Variants in PLB1 observed in about 807,000 individuals in gnomAD.
The protein encoded by PLB1 is phospholipase B1, membrane-associated.
PLB1 carries 242 observed loss-of-function variants against 227.4 expected under a neutral mutation model. The ratio of observed to expected loss-of-function variants is 1.06; its 90% CI spans 0.96 to 1.18. PLB1 has a LOEUF of 1.18. PLB1 is among the 50% of genes most tolerant of loss of function. The pLI is 0.00. For missense variants in PLB1, 1,858 were observed against 1,816.3 expected (o/e 1.02, Z -0.42); for synonymous variants, 757 against 682.2 (o/e 1.11, Z -1.71).
intron 17 of PLB1, among the ~76,000 whole-genome samples, chr2:28,562,279 C>T (rs749746817): frequency 1.3e-5 from 2 of 152,074 alleles, no homozygotes; most frequent in African/African-American, 2.4e-5. Flanking sequence ...CGCGTTGGCT[C>T]TCGCCTGTAA....
At chr2:28,570,777 C>G (rs145340339) in intron 20 of PLB1, among the ~76,000 whole-genome samples, 6 of 152,264 alleles carry the variant, frequency 3.9e-5, no homozygotes, top group African/African-American at 1.2e-4. Flanking sequence ...CAGAGTAAGA[C>G]TGTCTCTAAA....
At chr2:28,615,749 C>T (rs150186156) in intron 44 of PLB1, among the ~76,000 whole-genome samples, 10 of 152,286 alleles carry the variant, frequency 6.6e-5, no homozygotes, top group Non-Finnish European at 1.2e-4. Flanking sequence ...ACTAAGTGCT[C>T]GGTAGACAGT....
At chr2:28,586,786 C>T (rs1178921937) in intron 26 of PLB1, among the ~76,000 whole-genome samples, 3 of 152,128 alleles carry the variant, frequency 2.0e-5, no homozygotes, top group Admixed American at 6.5e-5. Context: ...CTCACTTTGT[C>T]ATCCAGGCTG....
intron 53 of PLB1, 113 bp downstream of exon 53, chr2:28,629,298 G>A (rs1476239615): frequency 2.3e-6 from 2 of 870,858 alleles, no homozygotes; most frequent in African/African-American, 3.4e-5. Flanking sequence ...CCAGAGGGTA[G>A]ACATGGCTCA....
intron 9 of PLB1, 99 bp downstream of exon 9, chr2:28,532,293 G>T: frequency 1.2e-6 from 1 of 865,534 alleles, no homozygotes; most frequent in Non-Finnish European, 1.8e-6. Context: ...TGTCAGGATG[G>T]GGCTAATGCC....
intron 1 of PLB1, among the ~76,000 whole-genome samples, chr2:28,505,060 G>C (rs1667503938): frequency 6.6e-6 from 1 of 152,180 alleles, no homozygotes; most frequent in Admixed American, 6.5e-5. Context: ...AATTCATGGT[G>C]TGAGGCTCCC....
At chr2:28,500,175 G>C (rs72860564) in intron 1 of PLB1, among the ~76,000 whole-genome samples, 1 of 152,142 alleles carries the variant, frequency 6.6e-6, no homozygotes, top group Non-Finnish European at 1.5e-5. Context: ...GAGACCACAC[G>C]TTGCATTTAT....
intron 1 of PLB1, among the ~76,000 whole-genome samples, chr2:28,516,490 T>C (rs1238588125): frequency 6.6e-6 from 1 of 152,232 alleles, no homozygotes; most frequent in Non-Finnish European, 1.5e-5. Flanking sequence ...TTGTGGGTTC[T>C]GCCCTTTGCC....
intron 56 of PLB1, 140 bp downstream of exon 56, chr2:28,633,179 G>A: frequency 3.1e-6 from 2 of 652,002 alleles, no homozygotes; most frequent in South Asian, 3.8e-5. Context: ...TATTGGTCCT[G>A]ATAGATTAAT....
Position 28,563,138 on chromosome 2 carries a change from G to T in PLB1, c.1206+39G>T, listed in dbSNP as rs559192874. ...ATGCAGAAGGGGCAGGAGGGGAAAA[G>T]ATTTTGACTAATATGAGAACCTGGA... is the stretch of plus-strand genomic sequence containing the variant. On this transcript the variant is annotated intron_variant, in intron 18 of 57. Transcript: ENST00000327757. 187 of 1,573,240 alleles carry T rather than the reference G, an allele frequency of 1.2e-4. No homozygotes were observed. The South Asian group carries it at 1.9e-3, about 16-fold the overall frequency.
At chr2:28,535,735 A>G (rs990969496) in intron 9 of PLB1, among the ~76,000 whole-genome samples, 1 of 152,164 alleles carries the variant, frequency 6.6e-6, no homozygotes. Flanking sequence ...AGCCTGGCCA[A>G]TGTGGTGAAA....
intron 1 of PLB1, among the ~76,000 whole-genome samples, chr2:28,503,186 T>C (rs1326400330): frequency 6.6e-6 from 1 of 152,142 alleles, no homozygotes; most frequent in Non-Finnish European, 1.5e-5. Context: ...AAGGTCTAAC[T>C]CTGCTGTCCA....
chr2:28,596,732 C>T (rs1445671712), intron 33 of PLB1, among the ~76,000 whole-genome samples: 1 of 152,242 alleles, frequency 6.6e-6, no homozygotes, highest in Admixed American at 6.5e-5. Flanking sequence ...GCTCAGACAT[C>T]TAACGGAAGG....
intron 49 of PLB1, among the ~76,000 whole-genome samples, chr2:28,622,108 T>C (rs2148328735): frequency 6.6e-6 from 1 of 152,336 alleles, no homozygotes; most frequent in East Asian, 1.9e-4. Flanking sequence ...AAGTAATCCA[T>C]TGACTTAAGA....
At chr2:28,592,502 C>T in intron 31 of PLB1, among the ~76,000 whole-genome samples, 159 bp from the exon 32 acceptor site, 1 of 152,122 alleles carries the variant, frequency 6.6e-6, no homozygotes, top group East Asian at 1.9e-4. Context: ...GAAAACTGTC[C>T]TCATATAACT....
chr2:28,617,833 A>AT, intron 45 of PLB1, 46 bp downstream of exon 45: 1 of 1,570,242 alleles, frequency 6.4e-7, no homozygotes. Context: ...GCCTTGCCGA[A>AT]TATCAGGTTG....
At position 28,628,435 on chromosome 2, in the gene PLB1, C is replaced by T. The variant is rs949057996; in HGVS notation, c.3661-128C>T. On this transcript the variant is annotated intron_variant, in intron 51 of 57. Coordinates refer to ENST00000327757, the MANE Select transcript of PLB1 (RefSeq NM_153021.5). ...ACAAGAACTGGGCTTCTCAGTTTGA[C>T]CAGGACCACCGAAGCCCCTCTGTAC... The T allele has an allele frequency of 4.0e-6, 3 of 753,230 alleles. No homozygotes were observed. The Admixed American group carries it at 6.5e-5, about 16-fold the overall frequency. 46.7% of individuals were successfully genotyped at this position (753,230 alleles called of 1,614,324 possible).
At position 28,604,663 on chromosome 2, in the gene PLB1, G is replaced by C. The variant is rs1451018311; in HGVS notation, c.2865G>C (p.Met955Ile). ...TGTGCATGTGTCCCCAGAGCAGCAT[G>C]CGCGAGCTGGTGGGGTCAGGCCGCT... ...EAFSRAYRSS[M>I]RELVGSGRYD... The change falls in exon 41 of 58, where the codon ATG becomes ATC. Residue 955 changes from methionine to isoleucine, a missense_variant. Met to Ile is a conservative substitution (Grantham distance 10). Coordinates refer to ENST00000327757, the MANE Select transcript of PLB1 (RefSeq NM_153021.5). 3 of 1,613,940 alleles carry C rather than the reference G, an allele frequency of 1.9e-6. No individual in the cohort carries two copies. The highest frequency in any genetic ancestry group is 2.7e-5 in the African/African-American group (2 of 74,920).
At chr2:28,642,761 A>G (rs949112600) in intron 57 of PLB1, 97 bp from the exon 58 acceptor site, 5 of 1,062,030 alleles carry the variant, frequency 4.7e-6, no homozygotes, top group Non-Finnish European at 5.5e-6. Flanking sequence ...GTGCAGGGTT[A>G]TCGCAGCATC....
Sources: gnomAD v4.1 joint callset for allele counts (sites outside exome capture counted in the v4.1 genomes callset) on GRCh38, gnomAD v4.1.1 for gene constraint, MANE v1.5 for transcripts, NCBI Gene and HGNC (gene_info 2026-07-23, HGNC 2026-07-21) for gene names.